The following SAMD12 variants were observed in gnomAD, a reference collection of about 807,000 sequenced individuals.
SAMD12 encodes sterile alpha motif domain containing 12.
In SAMD12, 9 loss-of-function variants were observed where a neutral mutation model predicts 15.0. That is an observed-to-expected ratio of 0.60 (90% confidence interval 0.36 to 1.05). The LOEUF (loss-of-function observed/expected upper bound fraction) is 1.05, where lower values mean the gene tolerates loss of function less well. Among genes scored for constraint, SAMD12 ranks in the 50% least tolerant of loss-of-function variants. The pLI is 0.01. For synonymous variants in SAMD12, 86 were observed against 90.1 expected, an observed-to-expected ratio of 0.96 and a Z score of 0.25; for missense variants, 230 against 234.2, an observed-to-expected ratio of 0.98 and a Z score of 0.12.
At chr8:118,154,237 T>A in the SAMD12 span, among the ~76,000 whole-genome samples, 1 of 152,270 alleles carries the variant, frequency 6.6e-6, no homozygotes, top group South Asian at 2.1e-4. Context: ...TCTGGCTCCC[T>A]TTTCAGCGTC....
At chr8:118,184,245 T>C in the SAMD12 span, among the ~76,000 whole-genome samples, 4 of 152,174 alleles carry the variant, frequency 2.6e-5, no homozygotes, top group Non-Finnish European at 4.4e-5. Flanking sequence ...GGCAATGTAA[T>C]AGAAATGAAT....
chr8:118,549,187 G>A (rs1383388745), intron 2 of SAMD12, among the ~76,000 whole-genome samples: 2 of 152,220 alleles, frequency 1.3e-5, no homozygotes, highest in Non-Finnish European at 2.9e-5. Context: ...GGTTCTCCCA[G>A]CACACAGCTG....
chr8:118,324,563 C>A (rs1244064582), intron 4 of SAMD12, among the ~76,000 whole-genome samples: 1 of 151,994 alleles, frequency 6.6e-6, no homozygotes, highest in Admixed American at 6.6e-5. Flanking sequence ...CCATGCCTAC[C>A]CTTGAAAAGG....
the SAMD12 span, among the ~76,000 whole-genome samples, chr8:118,159,718 TC>T: frequency 3.7e-5 from 1 of 27,098 alleles, no homozygotes; most frequent in African/African-American, 1.2e-4. Flanking sequence ...TCTTTTTTTT[TC>T]TTTTTTTTTT....
intron 4 of SAMD12, among the ~76,000 whole-genome samples, chr8:118,351,008 A>C (rs1190011557): frequency 6.6e-6 from 1 of 152,196 alleles, no homozygotes; most frequent in Non-Finnish European, 1.5e-5. Flanking sequence ...TATCTCTATG[A>C]CAATTTCTTA....
chr8:118,300,636 G>A (rs992121676), intron 4 of SAMD12, among the ~76,000 whole-genome samples: 3 of 152,130 alleles, frequency 2.0e-5, no homozygotes, highest in African/African-American at 7.2e-5. Flanking sequence ...AAATTCATAG[G>A]CTCCAATGAA....
intron 4 of SAMD12, among the ~76,000 whole-genome samples, chr8:118,278,783 C>T (rs575416356): frequency 6.6e-6 from 1 of 152,232 alleles, no homozygotes; most frequent in East Asian, 1.9e-4. Flanking sequence ...TATTTTGAGG[C>T]TTCATACATG....
intron 1 of SAMD12, among the ~76,000 whole-genome samples, chr8:118,608,135 T>G (rs1828024836): frequency 1.3e-5 from 2 of 152,088 alleles, no homozygotes; most frequent in Admixed American, 1.3e-4. Context: ...TTCCATAAAT[T>G]TGCATCAAGA....
At chr8:118,370,876 C>T (rs1179236813) in intron 4 of SAMD12, among the ~76,000 whole-genome samples, 1 of 152,062 alleles carries the variant, frequency 6.6e-6, no homozygotes, top group East Asian at 1.9e-4. Flanking sequence ...GTGCAGCAAA[C>T]CACCATGGTA....
Position 118,379,235 on chromosome 8 carries a change from G to A in SAMD12, c.*182C>T. The A allele has an allele frequency of 7.0e-7, 1 of 1,419,732 alleles. No homozygotes were observed. Among genetic ancestry groups the A allele is most frequent in the Non-Finnish European group, 9.2e-7 (1 of 1,089,316 alleles). The allele number at this position is 1,419,732 out of a possible 1,614,324, so 87.9% of individuals were successfully genotyped here. Reference sequence around the variant, plus strand: ...AGGCTGCACATTATACAACTCTAGTGAGTGCAATCGTACCCTGATTGATGT... The same window carrying A: ...AGGCTGCACATTATACAACTCTAGTAAGTGCAATCGTACCCTGATTGATGT... On this transcript the variant is annotated 3_prime_UTR_variant, in exon 4 of 4. Transcript: ENST00000314727.
chr8:118,160,828 C>T, the SAMD12 span, among the ~76,000 whole-genome samples: 2 of 152,008 alleles, frequency 1.3e-5, no homozygotes, highest in Non-Finnish European at 2.9e-5. Flanking sequence ...TTTTAGGGTA[C>T]ATGTGCACAA....
At chr8:118,535,826 A>AT (rs1343608687) in intron 2 of SAMD12, among the ~76,000 whole-genome samples, 2 of 152,054 alleles carry the variant, frequency 1.3e-5, no homozygotes, top group African/African-American at 4.8e-5. Flanking sequence ...GAGTGACCCG[A>AT]TTTTCCAGGT....
At chr8:118,443,539 A>C (rs544511687) in intron 2 of SAMD12, among the ~76,000 whole-genome samples, 179 of 152,328 alleles carry the variant, frequency 1.2e-3, no homozygotes, top group African/African-American at 4.1e-3. Flanking sequence ...AGACATAATA[A>C]GTAAAATGAG....
At chr8:118,305,810 T>G (rs1430909055) in intron 4 of SAMD12, among the ~76,000 whole-genome samples, 3 of 152,152 alleles carry the variant, frequency 2.0e-5, no homozygotes, top group Non-Finnish European at 4.4e-5. Context: ...TTGCCTGGGA[T>G]GACATTGCCT....
chr8:118,200,466 C>T (rs1449485033), intron 4 of SAMD12, among the ~76,000 whole-genome samples: 1 of 151,094 alleles, frequency 6.6e-6, no homozygotes, highest in East Asian at 1.9e-4. Context: ...CAAGATACTC[C>T]TGCAAGACAT....
chr8:118,581,236 G>A (rs1474589632), intron 1 of SAMD12, among the ~76,000 whole-genome samples: 1 of 152,102 alleles, frequency 6.6e-6, no homozygotes, highest in Non-Finnish European at 1.5e-5. Context: ...TTTCAACCCT[G>A]CAGTTTAGTT....
intron 2 of SAMD12, among the ~76,000 whole-genome samples, chr8:118,451,932 C>G (rs566274906): frequency 3.3e-5 from 5 of 152,176 alleles, no homozygotes; most frequent in African/African-American, 1.2e-4. Flanking sequence ...TCTCTGTCTC[C>G]CCAAAATTCA....
At chr8:118,163,898 CAAAACA>C in the SAMD12 span, among the ~76,000 whole-genome samples, 2 of 148,098 alleles carry the variant, frequency 1.4e-5, no homozygotes, top group South Asian at 2.2e-4. Flanking sequence ...CAAAACAAAA[CAAAACA>C]AAACAAAACA....
At chr8:118,562,584 C>T (rs112474043) in intron 2 of SAMD12, among the ~76,000 whole-genome samples, 3 of 152,082 alleles carry the variant, frequency 2.0e-5, no homozygotes, top group African/African-American at 4.8e-5. Context: ...TGACAAAGAA[C>T]GAGCACCAAA....
Sources: allele counts gnomAD v4.1 joint callset (sites outside exome capture counted in the v4.1 genomes callset), GRCh38; gene constraint gnomAD v4.1.1; transcripts MANE v1.5; gene names NCBI Gene and HGNC (gene_info 2026-07-23, HGNC 2026-07-21).